The following URI1 variants were observed in gnomAD, a reference collection of about 807,000 sequenced individuals.
URI1 encodes the protein URI1 prefoldin like chaperone, also known as unconventional prefoldin RPB5 interactor 1.
Under a neutral mutation model 60.2 loss-of-function variants are expected in URI1, and 39 were observed. That is an observed-to-expected ratio of 0.65 (90% confidence interval 0.50 to 0.85). URI1 has a LOEUF of 0.85. Among genes scored for constraint, URI1 ranks in the 40% least tolerant of loss-of-function variants. The pLI is 0.00. For synonymous variants in URI1, 251 were observed against 236.8 expected (o/e 1.06, Z -0.55); for missense variants, 691 against 665.9 (o/e 1.04, Z -0.42).
At chr19:30,011,547 A>C (rs1019174494) in intron 9 of URI1, among the ~76,000 whole-genome samples, 7 of 151,084 alleles carry the variant, frequency 4.6e-5, no homozygotes, top group Non-Finnish European at 8.8e-5. Context: ...CTAGGTCCCT[A>C]CGTTTCTACC....
At chr19:30,006,865 C>T (rs2055949522) in intron 6 of URI1, among the ~76,000 whole-genome samples, 1 of 151,848 alleles carries the variant, frequency 6.6e-6, no homozygotes, top group African/African-American at 2.4e-5. Flanking sequence ...ATCTTTTTTC[C>T]TCACATGAAG....
chr19:29,924,137 GT>G (rs1343848085), intron 1 of URI1, among the ~76,000 whole-genome samples: 1 of 152,086 alleles, frequency 6.6e-6, no homozygotes, highest in Non-Finnish European at 1.5e-5. Context: ...TGGATTGAAT[GT>G]TGCCCACCTA....
At chr19:29,947,731 C>G (rs909020843) in intron 1 of URI1, among the ~76,000 whole-genome samples, 3 of 152,180 alleles carry the variant, frequency 2.0e-5, no homozygotes, top group Non-Finnish European at 4.4e-5. Context: ...AGTTTCTTCC[C>G]TGGTCTGTGG....
chr19:29,934,209 T>C (rs1183122481), intron 1 of URI1, among the ~76,000 whole-genome samples: 1 of 152,144 alleles, frequency 6.6e-6, no homozygotes, highest in East Asian at 1.9e-4. Flanking sequence ...TTGCTAGGAT[T>C]ACAGGCATCA....
chr19:30,013,129 A>G (rs1599729997), intron 10 of URI1, among the ~76,000 whole-genome samples: 1 of 152,338 alleles, frequency 6.6e-6, no homozygotes, highest in East Asian at 1.9e-4. Flanking sequence ...GGAAATCCCC[A>G]AATAAGGATG....
At chr19:30,001,711 C>T (rs979410320) in intron 4 of URI1, among the ~76,000 whole-genome samples, 1 of 151,948 alleles carries the variant, frequency 6.6e-6, no homozygotes, top group African/African-American at 2.4e-5. Context: ...TTTTCCCAGC[C>T]ACAGTTAGGT....
chr19:29,994,454 A>G (rs1304896772), intron 4 of URI1, among the ~76,000 whole-genome samples: 1 of 151,986 alleles, frequency 6.6e-6, no homozygotes, highest in East Asian at 1.9e-4. Flanking sequence ...TCCCCTGGTA[A>G]CCACTATTCT....
Position 29,998,472 on chromosome 19 carries a change from T to G in URI1, c.368-6889T>G, listed in dbSNP as rs150813840. ...AATTTCTCCCTTCTGTTCTGTACAT[T>G]TTTGCTTTGTACATTTGAGCTCTGT... On this transcript the variant is annotated intron_variant, in intron 4 of 10. Coordinates refer to ENST00000392271, the MANE Select transcript of URI1 (RefSeq NM_003796.3). Among the ~76,000 whole-genome samples, 114 of 152,302 alleles carry G rather than the reference T, an allele frequency of 7.5e-4. 2 individuals are homozygous for G. The East Asian group carries it at 0.019, about 25-fold the overall frequency.
At chr19:29,932,008 A>G (rs1258111380) in intron 1 of URI1, among the ~76,000 whole-genome samples, 4 of 151,154 alleles carry the variant, frequency 2.6e-5, no homozygotes, top group East Asian at 3.9e-4. Flanking sequence ...AAGAGAGATA[A>G]TATTACTTCT....
chr19:30,007,562 TTG>T lies in URI1; in HGVS notation c.611_612del (p.Leu204SerfsTer3). 3.1e-6 allele frequency: 5 copies of T among 1,613,408 alleles called. No homozygotes were observed. The highest frequency in any genetic ancestry group is 4.2e-6 in the Non-Finnish European group (5 of 1,179,560). ...TGCAAATGATGTGAAATCCAAGGAT[TTG>T]CTAGCTGATAAAGAACTGTGGGCTC... Reference protein sequence around the residue: ...DIANDVKSKDLLADKELWARL... With the variant: ...DIANDVKSKDXLADKELWARL... On this transcript the variant is annotated frameshift_variant, in exon 7 of 11. Coordinates refer to ENST00000392271, the MANE Select transcript of URI1 (RefSeq NM_003796.3). LOFTEE classifies it high-confidence loss of function.
At chr19:29,954,477 C>T (rs1302194816) in intron 1 of URI1, among the ~76,000 whole-genome samples, 2 of 151,770 alleles carry the variant, frequency 1.3e-5, no homozygotes, top group Non-Finnish European at 2.9e-5. Context: ...CTGATTCATT[C>T]CCATTCCTGC....
chr19:29,950,453 A>G (rs750089181), intron 1 of URI1, among the ~76,000 whole-genome samples: 3 of 152,214 alleles, frequency 2.0e-5, no homozygotes, highest in African/African-American at 4.8e-5. Context: ...ACAACTGTTT[A>G]TTTGAAAAAT....
chr19:29,941,638 AAAAAG>A (rs971019268), upstream of URI1, among the ~76,000 whole-genome samples: 33 of 152,158 alleles, frequency 2.2e-4, no homozygotes, highest in Admixed American at 1.6e-3. Context: ...AAAAAAAAAA[AAAAAG>A]AAAAGTGGGG....
At chr19:29,996,965 G>A (rs189212327) in intron 4 of URI1, among the ~76,000 whole-genome samples, 12 of 152,096 alleles carry the variant, frequency 7.9e-5, no homozygotes, top group African/African-American at 2.9e-4. Context: ...GATCATTCTT[G>A]GTCATGATGT....
chr19:30,014,920 G>A lies in URI1; in HGVS notation c.1459G>A (p.Val487Ile), dbSNP rs546240679. ...FSGTVIEKEF[V>I]SPSLTPPPAI... ...TGGAACTGTTATAGAAAAAGAATTT[G>A]TATCACCTTCCTTAACACCACCCCC... The change falls in exon 11 of 11, where the codon GTA becomes ATA. Residue 487 changes from valine (V) to isoleucine (I), a missense_variant. By Grantham distance (29) the Val-to-Ile change is conservative. Transcript: ENST00000392271. The A allele has an allele frequency of 8.1e-6, 13 of 1,612,688 alleles. No individual in the cohort carries two copies. The highest frequency in any genetic ancestry group is 2.2e-5 in the East Asian group (1 of 44,880).
chr19:29,946,033 T>G (rs974445925), intron 1 of URI1, among the ~76,000 whole-genome samples: 5 of 149,966 alleles, frequency 3.3e-5, no homozygotes, highest in Admixed American at 1.3e-4. Context: ...ATATATATAA[T>G]TTATTCAAAC....
At chr19:29,976,216 T>C (rs2055521018) in intron 2 of URI1, among the ~76,000 whole-genome samples, 1 of 152,198 alleles carries the variant, frequency 6.6e-6, no homozygotes. Flanking sequence ...TTAGTAAAAT[T>C]ACTGCAAAAC....
chr19:29,942,090 G>A (rs1011243983), upstream of URI1: 2 of 362,056 alleles, frequency 5.5e-6, no homozygotes, highest in Non-Finnish European at 7.7e-6. Context: ...CTTCCAGAGG[G>A]ATACAAACGC....
intron 1 of URI1, among the ~76,000 whole-genome samples, chr19:29,943,110 C>T (rs1347649857): frequency 1.3e-5 from 2 of 151,772 alleles, no homozygotes; most frequent in South Asian, 2.1e-4. Flanking sequence ...CAATATAATG[C>T]CATTTAAACA....
Sources: gnomAD v4.1 joint callset for allele counts (sites outside exome capture counted in the v4.1 genomes callset) on GRCh38, gnomAD v4.1.1 for gene constraint, MANE v1.5 for transcripts, NCBI Gene and HGNC (gene_info 2026-07-23, HGNC 2026-07-21) for gene names.